MCTP2: variants seen among roughly 807,000 people sequenced by gnomAD.
The protein encoded by MCTP2 is multiple C2 and transmembrane domain-containing protein 2.
Under a neutral mutation model 111.6 loss-of-function variants are expected in MCTP2, and 132 were observed. The observed-to-expected ratio is 1.18, with a 90% confidence interval of 1.03 to 1.37. MCTP2 has a LOEUF of 1.37. Among genes scored for constraint, MCTP2 ranks in the 40% most tolerant of loss-of-function variants. MCTP2 has a pLI of 0.00. For synonymous variants in MCTP2, 395 were observed against 387.7 expected, an observed-to-expected ratio of 1.02 and a Z score of -0.22; for missense variants, 1,183 against 1,067.9, an observed-to-expected ratio of 1.11 and a Z score of -1.50.
chr15:94,357,872 A>G (rs537131265), intron 9 of MCTP2, among the ~76,000 whole-genome samples: 1 of 152,226 alleles, frequency 6.6e-6, no homozygotes, highest in Non-Finnish European at 1.5e-5. Flanking sequence ...TTTGAAGAAC[A>G]CAGAAACACT....
At position 94,256,908 on chromosome 15, in the gene MCTP2, AC is replaced by A. The variant is rs2072807454; in HGVS notation, c.-66+25245del. Among the ~76,000 whole-genome samples, 3 of 152,206 alleles carry A rather than the reference AC, an allele frequency of 2.0e-5. No individual in the cohort carries two copies. In the South Asian group the frequency reaches 6.2e-4, roughly 32 times the overall value. ...GTGGAACATATTCCACACAGCAGAC[AC>A]TATGATCCTTTGAAAATCCATGACA... On this transcript the variant is annotated intron_variant, in intron 1 of 22. Transcript: ENST00000357742.
chr15:94,447,915 G>A (rs2084214660), intron 19 of MCTP2, among the ~76,000 whole-genome samples: 1 of 152,164 alleles, frequency 6.6e-6, no homozygotes, highest in African/African-American at 2.4e-5. Context: ...CTAACTTTCA[G>A]GGGAATAAAG....
intron 20 of MCTP2, among the ~76,000 whole-genome samples, chr15:94,468,551 A>C (rs1434158143): frequency 6.6e-6 from 1 of 152,206 alleles, no homozygotes; most frequent in Non-Finnish European, 1.5e-5. Context: ...AAGGTATTCA[A>C]ATTTGCTTAT....
At chr15:94,432,253 G>A (rs747577773) in intron 17 of MCTP2, among the ~76,000 whole-genome samples, 26 of 152,126 alleles carry the variant, frequency 1.7e-4, no homozygotes, top group Non-Finnish European at 3.1e-4. Context: ...TGTGGTGTAG[G>A]AATGGGTAAC....
chr15:94,404,654 C>T (rs567634861), intron 17 of MCTP2, among the ~76,000 whole-genome samples: 1 of 151,990 alleles, frequency 6.6e-6, no homozygotes, highest in South Asian at 2.1e-4. Context: ...GCCAAGCTTT[C>T]ATGTCCTTTT....
chr15:94,475,469 A>T (rs2074275027), intron 21 of MCTP2, among the ~76,000 whole-genome samples: 1 of 152,172 alleles, frequency 6.6e-6, no homozygotes, highest in Non-Finnish European at 1.5e-5. Flanking sequence ...AATAATACTT[A>T]ATGAACAACA....
chr15:94,342,561 C>T (rs1029909621), intron 7 of MCTP2: 4 of 151,714 alleles, frequency 2.6e-5, no homozygotes, highest in African/African-American at 4.9e-5. Context: ...ATTATATATA[C>T]ACACACAAAT....
chr15:94,342,601 C>CACACAT (rs2077707494), intron 7 of MCTP2: 1 of 123,464 alleles, frequency 8.1e-6, no homozygotes, highest in Non-Finnish European at 1.7e-5. Flanking sequence ...TACACACACA[C>CACACAT]ACACATATAT....
intron 4 of MCTP2, among the ~76,000 whole-genome samples, chr15:94,325,981 A>C (rs2076854360): frequency 6.6e-6 from 1 of 151,516 alleles, no homozygotes; most frequent in African/African-American, 2.4e-5. Flanking sequence ...CACCATGCCC[A>C]GCTAATTTTT....
intron 14 of MCTP2, 80 bp downstream of exon 14, chr15:94,385,605 T>G: frequency 2.0e-6 from 2 of 980,822 alleles, no homozygotes; most frequent in Non-Finnish European, 3.2e-6. Flanking sequence ...TGCTTTATCT[T>G]TGTCAACCTG....
rs546542087 is a variant in MCTP2 at position 94,390,237 on chromosome 15, A to G, written c.1788+4712A>G. 7.3e-5 allele frequency among the ~76,000 whole-genome samples: 11 copies of G among 151,700 alleles called. No individual in the cohort carries two copies. The East Asian group carries it at 2.1e-3, about 29-fold the overall frequency. On this transcript the variant is annotated intron_variant, in intron 14 of 22. Transcript: ENST00000357742. The stretch of plus-strand genomic sequence containing the variant: ...CAGAAAAATAGTTCTTTATATAGAT[A>G]TAGAATACTTTTTAATAAAATATTC...
chr15:94,453,504 T>C (rs1596766792), intron 19 of MCTP2, among the ~76,000 whole-genome samples: 1 of 152,186 alleles, frequency 6.6e-6, no homozygotes, highest in Non-Finnish European at 1.5e-5. Context: ...CTATTCAGAA[T>C]GGTTAGTAAG....
At chr15:94,366,143 A>G (rs117026138) in intron 10 of MCTP2, among the ~76,000 whole-genome samples, 259 of 152,286 alleles carry the variant, frequency 1.7e-3, no homozygotes, top group South Asian at 3.7e-3. Flanking sequence ...ATTAACCTAT[A>G]TTTTCATAGA....
intron 1 of MCTP2, among the ~76,000 whole-genome samples, chr15:94,247,883 A>G (rs537045943): frequency 1.3e-5 from 2 of 152,256 alleles, no homozygotes; most frequent in African/African-American, 4.8e-5. Context: ...GAATTCATTC[A>G]TTTGTTTGTT....
intron 1 of MCTP2, among the ~76,000 whole-genome samples, chr15:94,257,566 G>GTTGTTGTTTTTTTT (rs2072870063): frequency 1.4e-5 from 1 of 73,006 alleles, no homozygotes; most frequent in African/African-American, 5.0e-5. Context: ...CATTTTCTTT[G>GTTGTTGTTTTTTTT]TTGTTTTTTT....
rs1035839909 is a variant in MCTP2, at chr15:94,303,546, C to T, written c.465+4816C>T. ...ATATCCTTCGGTCTAATCAAGTTGA[C>T]ATTCAGTATTAACTATCACACTCCC... On this transcript the variant is annotated intron_variant, in intron 2 of 22. Coordinates refer to ENST00000357742, the MANE Select transcript of MCTP2 (RefSeq NM_001385001.1). 2.0e-5 allele frequency among the ~76,000 whole-genome samples: 3 copies of T among 152,244 alleles called. No homozygotes were observed. The South Asian group carries it at 6.2e-4, about 32-fold the overall frequency.
chr15:94,346,262 A>G (rs1238633072), intron 8 of MCTP2, among the ~76,000 whole-genome samples: 4 of 152,206 alleles, frequency 2.6e-5, no homozygotes, highest in African/African-American at 9.6e-5. Flanking sequence ...TTACTAAAAG[A>G]TATACCCTTT....
intron 4 of MCTP2, among the ~76,000 whole-genome samples, chr15:94,321,970 C>G (rs2076650650): frequency 6.6e-6 from 1 of 152,102 alleles, no homozygotes; most frequent in South Asian, 2.1e-4. Context: ...AAGCCTGCAC[C>G]CTCATTGTCT....
chr15:94,250,584 A>T (rs745511952), intron 1 of MCTP2, among the ~76,000 whole-genome samples: 1 of 152,226 alleles, frequency 6.6e-6, no homozygotes, highest in Non-Finnish European at 1.5e-5. Context: ...ATGAATTTAT[A>T]CCTTACTACA....
Sources: allele counts gnomAD v4.1 joint callset (sites outside exome capture counted in the v4.1 genomes callset), GRCh38; gene constraint gnomAD v4.1.1; transcripts MANE v1.5; gene names NCBI Gene and HGNC (gene_info 2026-07-23, HGNC 2026-07-21).